The following L3MBTL4 variants were observed in gnomAD, a reference collection of about 807,000 sequenced individuals.
L3MBTL4 encodes the protein L3MBTL histone methyl-lysine binding protein 4.
A neutral mutation model predicts 84.5 loss-of-function variants in L3MBTL4; 70 were observed. The ratio of observed to expected loss-of-function variants is 0.83; its 90% CI spans 0.68 to 1.01. L3MBTL4 has a LOEUF of 1.01. Ranked by LOEUF, L3MBTL4 falls within the 50% of genes least tolerant of loss-of-function variation. The pLI, the probability that L3MBTL4 is intolerant of heterozygous loss-of-function variation, is 0.00. For synonymous variants in L3MBTL4, 274 were observed against 259.8 expected (o/e 1.05, Z -0.52); for missense variants, 715 against 754.8 (o/e 0.95, Z 0.62).
chr18:6,153,503 G>C (rs956408623), intron 13 of L3MBTL4, among the ~76,000 whole-genome samples: 7 of 152,092 alleles, frequency 4.6e-5, no homozygotes, highest in African/African-American at 1.7e-4. Flanking sequence ...ATAGCTCATT[G>C]TTAGTGTATA....
At chr18:6,360,578 T>A (rs543565959) in intron 1 of L3MBTL4, among the ~76,000 whole-genome samples, 3 of 152,176 alleles carry the variant, frequency 2.0e-5, no homozygotes, top group African/African-American at 7.2e-5. Context: ...GCAGGAAGAA[T>A]GAAGAGAATG....
At chr18:6,155,063 CT>C (rs2043047358) in intron 13 of L3MBTL4, among the ~76,000 whole-genome samples, 1 of 152,010 alleles carries the variant, frequency 6.6e-6, no homozygotes, top group African/African-American at 2.4e-5. Context: ...ACAATAAAAG[CT>C]TTTAATGTTC....
chr18:6,365,474 A>G (rs2053895218), intron 1 of L3MBTL4, among the ~76,000 whole-genome samples: 1 of 152,222 alleles, frequency 6.6e-6, no homozygotes, highest in African/African-American at 2.4e-5. Context: ...AATAAATGGA[A>G]GATTTATTCT....
intron 14 of L3MBTL4, among the ~76,000 whole-genome samples, chr18:6,099,031 G>A (rs1476173111): frequency 1.3e-5 from 2 of 152,194 alleles, no homozygotes; most frequent in African/African-American, 4.8e-5. Context: ...AGAGGTATAT[G>A]CTGCCTGCCT....
chr18:6,202,662 C>A lies in L3MBTL4; in HGVS notation c.981+10487G>T, dbSNP rs545753479. ...AGTGTCCATTGACTACGGCGGTTGA[C>A]CATGTGTGGTAACTCTGAGATGGGT... On this transcript the variant is annotated intron_variant, in intron 12 of 18. Transcript: ENST00000317931. Among the ~76,000 whole-genome samples, 25 of 151,256 alleles carry A rather than the reference C, an allele frequency of 1.7e-4. No homozygotes were observed. The South Asian group carries it at 5.2e-3, about 32-fold the overall frequency.
At chr18:6,411,914 T>C (rs2055981471) in intron 1 of L3MBTL4, among the ~76,000 whole-genome samples, 1 of 152,226 alleles carries the variant, frequency 6.6e-6, no homozygotes. Flanking sequence ...TTTACCAAAA[T>C]ATATTTCCTA....
intron 13 of L3MBTL4, among the ~76,000 whole-genome samples, chr18:6,148,715 G>C (rs552223918): frequency 1.3e-5 from 2 of 152,190 alleles, no homozygotes; most frequent in African/African-American, 2.4e-5. Flanking sequence ...ACAGGCATGA[G>C]CTACCATGCC....
chr18:6,026,102 G>C (rs1046984673), intron 16 of L3MBTL4, among the ~76,000 whole-genome samples: 1 of 152,196 alleles, frequency 6.6e-6, no homozygotes, highest in Non-Finnish European at 1.5e-5. Context: ...CTTCTCTCAT[G>C]TGTCTTTTCC....
chr18:6,071,840 A>G (rs7241857), intron 16 of L3MBTL4, among the ~76,000 whole-genome samples: 37,574 of 134,424 alleles, frequency 0.28, 6,630 homozygotes, highest in East Asian at 0.6. Context: ...AAGAAAGAGA[A>G]AGAGAGAGAG....
At chr18:6,339,779 T>C (rs1460503014) in intron 1 of L3MBTL4, among the ~76,000 whole-genome samples, 1 of 152,060 alleles carries the variant, frequency 6.6e-6, no homozygotes, top group Non-Finnish European at 1.5e-5. Context: ...CATACATATA[T>C]TAAAGACGTA....
chr18:6,072,837 CT>C (rs1232598941), intron 16 of L3MBTL4, among the ~76,000 whole-genome samples: 5 of 113,394 alleles, frequency 4.4e-5, no homozygotes, highest in South Asian at 3.2e-4. Flanking sequence ...GCACTCTAGC[CT>C]GGGTGACAGA....
At chr18:6,349,060 A>C (rs1018686800) in intron 1 of L3MBTL4, among the ~76,000 whole-genome samples, 5 of 152,232 alleles carry the variant, frequency 3.3e-5, no homozygotes, top group Admixed American at 3.3e-4. Flanking sequence ...TAGACAGAAG[A>C]AGCAATTAAA....
At chr18:6,029,572 C>T (rs773806214) in intron 16 of L3MBTL4, 122 of 985,124 alleles carry the variant, frequency 1.2e-4, no homozygotes, top group Admixed American at 1.8e-4. Flanking sequence ...GCAACAAAAA[C>T]GATAAACTGC....
At chr18:6,010,262 C>T (rs1010531372) in intron 16 of L3MBTL4, among the ~76,000 whole-genome samples, 1 of 152,118 alleles carries the variant, frequency 6.6e-6, no homozygotes, top group Non-Finnish European at 1.5e-5. Flanking sequence ...TAATGAAAAT[C>T]TCACCAAGTT....
chr18:6,251,930 T>C (rs1304791556), intron 5 of L3MBTL4, among the ~76,000 whole-genome samples: 3 of 152,174 alleles, frequency 2.0e-5, no homozygotes, highest in Admixed American at 6.5e-5. Flanking sequence ...ACAATTCAGG[T>C]AGATTCCCAC....
chr18:6,207,110 T>C (rs1034584921), intron 12 of L3MBTL4, among the ~76,000 whole-genome samples: 3 of 152,308 alleles, frequency 2.0e-5, no homozygotes, highest in Middle Eastern at 3.4e-3. Context: ...CAAGAGAAGA[T>C]TGTTTCATGA....
intron 16 of L3MBTL4, among the ~76,000 whole-genome samples, chr18:6,047,514 C>A (rs2056674305): frequency 6.6e-6 from 1 of 152,178 alleles, no homozygotes; most frequent in Admixed American, 6.5e-5. Flanking sequence ...AAAATACTAG[C>A]AAACTGAATC....
At chr18:6,349,290 A>G (rs1416611727) in intron 1 of L3MBTL4, among the ~76,000 whole-genome samples, 1 of 152,238 alleles carries the variant, frequency 6.6e-6, no homozygotes, top group African/African-American at 2.4e-5. Context: ...TAATCAAAAC[A>G]TCCATTTATA....
intron 13 of L3MBTL4, among the ~76,000 whole-genome samples, chr18:6,146,114 G>C (rs1381415574): frequency 6.6e-6 from 1 of 152,236 alleles, no homozygotes; most frequent in East Asian, 1.9e-4. Context: ...AGATGAGACG[G>C]CGTGGGCCAA....
Sources: gnomAD v4.1 joint callset for allele counts (sites outside exome capture counted in the v4.1 genomes callset) on GRCh38, gnomAD v4.1.1 for gene constraint, MANE v1.5 for transcripts, NCBI Gene and HGNC (gene_info 2026-07-23, HGNC 2026-07-21) for gene names.